Variants in FAM3B observed in about 807,000 individuals in gnomAD.
FAM3B encodes the protein FAM3 metabolism regulating signaling molecule B, also known as protein FAM3B.
A neutral mutation model predicts 28.4 loss-of-function variants in FAM3B; 29 were observed. The observed-to-expected ratio is 1.02, with a 90% CI of 0.76 to 1.39. The LOEUF is 1.39. FAM3B is among the 40% of genes most tolerant of loss of function. The pLI is 0.00. For missense variants in FAM3B, 266 were observed against 293.9 expected, an observed-to-expected ratio of 0.91 and a Z score of 0.69; for synonymous variants, 91 against 103.0, an observed-to-expected ratio of 0.88 and a Z score of 0.71.
At chr21:41,329,492 A>G (rs955351102) in intron 2 of FAM3B, among the ~76,000 whole-genome samples, 25 of 152,264 alleles carry the variant, frequency 1.6e-4, no homozygotes, top group African/African-American at 6.0e-4. Flanking sequence ...TTACTGAATA[A>G]TGGCTCCACA....
chr21:41,353,320 T>C (rs1266071365), intron 7 of FAM3B, among the ~76,000 whole-genome samples: 4 of 152,220 alleles, frequency 2.6e-5, no homozygotes, highest in Admixed American at 2.6e-4. Flanking sequence ...CTAAAATTCA[T>C]ATGGAAATTC....
intron 7 of FAM3B, among the ~76,000 whole-genome samples, chr21:41,354,388 A>G (rs1040915602): frequency 6.6e-6 from 1 of 152,272 alleles, no homozygotes; most frequent in African/African-American, 2.4e-5. Flanking sequence ...ACATATGTTC[A>G]TTACAAAACT....
At chr21:41,331,892 A>G (rs140935232) in intron 2 of FAM3B, among the ~76,000 whole-genome samples, 2,742 of 152,254 alleles carry the variant, frequency 0.018, 39 homozygotes, top group Non-Finnish European at 0.027. Flanking sequence ...TGTGGTAATC[A>G]CATTATTGAT....
chr21:41,313,389 C>T (rs760658845), upstream of FAM3B, among the ~76,000 whole-genome samples: 1 of 152,248 alleles, frequency 6.6e-6, no homozygotes, highest in Non-Finnish European at 1.5e-5. Flanking sequence ...CGTCTGCACT[C>T]AGGGGAAACC....
intron 7 of FAM3B, among the ~76,000 whole-genome samples, chr21:41,351,000 C>T (rs1234202811): frequency 6.6e-6 from 1 of 151,914 alleles, no homozygotes; most frequent in African/African-American, 2.4e-5. Context: ...TGCACACGAG[C>T]GTCTGTGGTT....
At chr21:41,351,792 A>T (rs540135056) in intron 7 of FAM3B, among the ~76,000 whole-genome samples, 1 of 152,316 alleles carries the variant, frequency 6.6e-6, no homozygotes, top group East Asian at 1.9e-4. Context: ...ATTGAATTTT[A>T]AAGTATAAGG....
At chr21:41,310,038 C>A (rs2088701141) in intron 1 of FAM3B, among the ~76,000 whole-genome samples, 1 of 152,298 alleles carries the variant, frequency 6.6e-6, no homozygotes, top group East Asian at 1.9e-4. Flanking sequence ...ATCCTCCCAG[C>A]CTGGTGCTGC....
chr21:41,315,280 G>A (rs532339509), upstream of FAM3B, among the ~76,000 whole-genome samples: 4 of 152,226 alleles, frequency 2.6e-5, no homozygotes, highest in East Asian at 7.7e-4. Flanking sequence ...GGGGCTGGGG[G>A]CAAGGGTAAA....
chr21:41,305,232 G>A (rs1388155484), intron 1 of FAM3B, among the ~76,000 whole-genome samples: 2 of 152,172 alleles, frequency 1.3e-5, no homozygotes, highest in Non-Finnish European at 2.9e-5. Flanking sequence ...AGAAAAGAAA[G>A]TGGGGTTGGT....
intron 1 of FAM3B, among the ~76,000 whole-genome samples, chr21:41,311,300 A>G (rs114249053): frequency 0.031 from 3,577 of 116,830 alleles, 338 homozygotes; most frequent in African/African-American, 0.11. Flanking sequence ...ATATATATGT[A>G]TATATACAAA....
intron 3 of FAM3B, among the ~76,000 whole-genome samples, chr21:41,343,355 G>A (rs73368378): frequency 6.6e-6 from 1 of 152,238 alleles, no homozygotes; most frequent in African/African-American, 2.4e-5. Context: ...GGTCTCTAAC[G>A]TATACAACCA....
upstream of FAM3B, among the ~76,000 whole-genome samples, chr21:41,314,019 A>ACAAAAG (rs2088730473): frequency 6.6e-6 from 1 of 152,214 alleles, no homozygotes; most frequent in Non-Finnish European, 1.5e-5. Flanking sequence ...AAAAACAAAA[A>ACAAAAG]CATTCATAGG....
chr21:41,304,740 G>A, intron 1 of FAM3B, among the ~76,000 whole-genome samples: 1 of 152,222 alleles, frequency 6.6e-6, no homozygotes, highest in East Asian at 1.9e-4. Flanking sequence ...GGTGACGCCT[G>A]GGGATGGGAT....
intron 1 of FAM3B, among the ~76,000 whole-genome samples, chr21:41,317,693 C>T (rs1034552205): frequency 8.5e-5 from 13 of 152,076 alleles, no homozygotes; most frequent in African/African-American, 2.9e-4. Flanking sequence ...TGGGCCTCTT[C>T]GGTAGATCAC....
chr21:41,343,369 C>A (rs946018598), intron 3 of FAM3B, among the ~76,000 whole-genome samples: 11 of 152,196 alleles, frequency 7.2e-5, no homozygotes, highest in African/African-American at 2.7e-4. Flanking sequence ...ACAACCAGAT[C>A]TTTAACAACA....
chr21:41,351,140 ATTAATGT>A (rs1235875300), intron 7 of FAM3B, among the ~76,000 whole-genome samples: 1 of 152,250 alleles, frequency 6.6e-6, no homozygotes, highest in East Asian at 1.9e-4. Flanking sequence ...CAGGTTCTTC[ATTAATGT>A]TTAAGTCGTA....
At chr21:41,331,552 T>G (rs2088905792) in intron 2 of FAM3B, among the ~76,000 whole-genome samples, 1 of 152,192 alleles carries the variant, frequency 6.6e-6, no homozygotes, top group African/African-American at 2.4e-5. Context: ...TTTTATCTAG[T>G]AATTTCATGG....
chr21:41,353,185 A>G (rs1025410631), intron 7 of FAM3B, among the ~76,000 whole-genome samples: 15 of 152,320 alleles, frequency 9.8e-5, no homozygotes, highest in African/African-American at 3.6e-4. Flanking sequence ...AAGATATTCC[A>G]TGTTCATGGG....
rs958070810 is a variant in FAM3B at position 41,334,361 on chromosome 21, G to C, written c.164-4017G>C. Among the ~76,000 whole-genome samples, 15 of 152,150 alleles carry C rather than the reference G, an allele frequency of 9.9e-5. No homozygotes were observed. In the East Asian group the frequency reaches 2.7e-3, roughly 27 times the overall value. On this transcript the variant is annotated intron_variant, in intron 2 of 7. Coordinates refer to ENST00000357985, the MANE Select transcript of FAM3B (RefSeq NM_058186.4). The stretch of plus-strand genomic sequence containing the variant: ...CCCCTCTTGTCACACAGGCCCAGAG[G>C]GTTAAGAATACAGAATGGTTTCATG...
Sources: gnomAD v4.1 joint callset for allele counts (sites outside exome capture counted in the v4.1 genomes callset) on GRCh38, gnomAD v4.1.1 for gene constraint, MANE v1.5 for transcripts, NCBI Gene and HGNC (gene_info 2026-07-23, HGNC 2026-07-21) for gene names.